SAMMSON: variants seen among roughly 807,000 people sequenced by gnomAD.
SAMMSON encodes survival associated mitochondrial melanoma specific oncogenic non-coding RNA, also known as long intergenic non-protein coding RNA 1212.
chr3:70,099,712 T>A (rs1434944256), intron 4 of SAMMSON, among the ~76,000 whole-genome samples: 1 of 152,212 alleles, frequency 6.6e-6, no homozygotes, highest in Non-Finnish European at 1.5e-5. Flanking sequence ...ACATTCTCCA[T>A]CTCCTACTTA....
At chr3:70,360,967 A>G (rs1332778014) in intron 9 of SAMMSON, among the ~76,000 whole-genome samples, 1 of 152,162 alleles carries the variant, frequency 6.6e-6, no homozygotes, top group Non-Finnish European at 1.5e-5. Flanking sequence ...CACTGTGCTA[A>G]TTATTTTACC....
chr3:70,089,472 C>T (rs1228880675), intron 4 of SAMMSON, among the ~76,000 whole-genome samples: 3 of 149,222 alleles, frequency 2.0e-5, no homozygotes, highest in African/African-American at 7.4e-5. Flanking sequence ...AGGATTCAAA[C>T]TCAGAAAGCC....
At chr3:70,220,609 T>C (rs1351800122) in intron 4 of SAMMSON, among the ~76,000 whole-genome samples, 1 of 152,114 alleles carries the variant, frequency 6.6e-6, no homozygotes, top group African/African-American at 2.4e-5. Flanking sequence ...CCAGGAAGTA[T>C]GTTAGTGTGT....
At chr3:70,274,006 A>G (rs1018321909) in intron 6 of SAMMSON, among the ~76,000 whole-genome samples, 17 of 151,728 alleles carry the variant, frequency 1.1e-4, no homozygotes, top group Admixed American at 2.0e-4. Flanking sequence ...TTCTCTCAAA[A>G]CTAAGATGCC....
chr3:70,072,064 A>T (rs1373374008), intron 4 of SAMMSON: 1 of 151,778 alleles, frequency 6.6e-6, no homozygotes, highest in East Asian at 1.9e-4. Flanking sequence ...ATTTTTAAAA[A>T]CTTTCAAAGG....
intron 4 of SAMMSON, chr3:70,126,057 A>T: frequency 9.5e-7 from 1 of 1,050,774 alleles, no homozygotes. Context: ...TCATAAGATG[A>T]AGGACCTGTA....
chr3:70,387,780 C>T (rs1296631154), intron 9 of SAMMSON, among the ~76,000 whole-genome samples: 4 of 152,040 alleles, frequency 2.6e-5, no homozygotes, highest in Admixed American at 2.6e-4. Flanking sequence ...ATAGTTCCAT[C>T]ATAACACTCC....
At chr3:70,268,496 A>AT in intron 6 of SAMMSON, among the ~76,000 whole-genome samples, 1 of 144,234 alleles carries the variant, frequency 6.9e-6, no homozygotes, top group Admixed American at 6.9e-5. Context: ...AAAAAAAAAA[A>AT]TCCCCACCAG....
intron 4 of SAMMSON, among the ~76,000 whole-genome samples, chr3:70,131,112 T>A (rs1040732053): frequency 6.6e-6 from 1 of 152,258 alleles, no homozygotes; most frequent in Middle Eastern, 3.4e-3. Flanking sequence ...CTCAAGCCAG[T>A]TTTAAAAATA....
At chr3:70,257,867 AT>A (rs1461233384) in intron 6 of SAMMSON, among the ~76,000 whole-genome samples, 4 of 152,194 alleles carry the variant, frequency 2.6e-5, no homozygotes, top group Non-Finnish European at 5.9e-5. Flanking sequence ...TTACTATTTG[AT>A]TTCCAAAGTT....
intron 4 of SAMMSON, among the ~76,000 whole-genome samples, chr3:70,216,598 T>C (rs931659875): frequency 1.3e-5 from 2 of 152,048 alleles, no homozygotes; most frequent in African/African-American, 4.8e-5. Context: ...TAGATAGAGA[T>C]TTTTTAAGTG....
chr3:70,357,514 G>T (rs1429288297), intron 8 of SAMMSON, among the ~76,000 whole-genome samples: 1 of 151,952 alleles, frequency 6.6e-6, no homozygotes, highest in Non-Finnish European at 1.5e-5. Context: ...TTTTCAAAAA[G>T]TGAAATAATT....
rs539126294 is a variant in SAMMSON, at chr3:70,312,879, C to T, written n.739+21636C>T. On this transcript the variant is annotated intron_variant and non_coding_transcript_variant, in intron 7 of 9. Coordinates refer to ENST00000642114, the Ensembl canonical transcript of SAMMSON. ...CTTTTCAACTGGACCAAGTTTCTTC[C>T]ATCCCTGCCATTCATTACTTCAAGT... Among the ~76,000 whole-genome samples, 192 of 152,094 alleles carry T rather than the reference C, an allele frequency of 1.3e-3. 1 individual carries two copies. Among genetic ancestry groups the T allele is most frequent in the African/African-American group, 4.5e-3 (188 of 41,516 alleles).
intron 6 of SAMMSON, among the ~76,000 whole-genome samples, chr3:70,267,375 A>ACAGATTCTT (rs1383572138): frequency 1.1e-3 from 159 of 145,692 alleles, no homozygotes; most frequent in African/African-American, 3.6e-3. Flanking sequence ...ACTCTCTTGT[A>ACAGATTCTT]CAGATTCTTT....
intron 4 of SAMMSON, among the ~76,000 whole-genome samples, chr3:70,158,377 G>A (rs2067600554): frequency 6.6e-6 from 1 of 152,054 alleles, no homozygotes; most frequent in Admixed American, 6.6e-5. Context: ...TCTAACATGT[G>A]TCTATAGTTC....
intron 4 of SAMMSON, among the ~76,000 whole-genome samples, chr3:70,150,650 C>T (rs933793807): frequency 6.6e-6 from 1 of 152,022 alleles, no homozygotes; most frequent in Admixed American, 6.6e-5. Flanking sequence ...TTACTTTGTA[C>T]TCTGGATGTA....
At chr3:70,374,874 C>T (rs1317507582) in intron 9 of SAMMSON, among the ~76,000 whole-genome samples, 3 of 152,084 alleles carry the variant, frequency 2.0e-5, no homozygotes, top group Non-Finnish European at 4.4e-5. Context: ...GCTAAATTGC[C>T]CCAATCTGCT....
At chr3:70,204,993 T>C (rs1027002954) in intron 4 of SAMMSON, 1 of 152,150 alleles carries the variant, frequency 6.6e-6, no homozygotes, top group Admixed American at 6.6e-5. Flanking sequence ...ACCTGTTTTC[T>C]TGACTGGCAT....
chr3:70,250,409 TCTCACACACACACACA>T (rs1300535472), intron 6 of SAMMSON, among the ~76,000 whole-genome samples: 15 of 126,348 alleles, frequency 1.2e-4, no homozygotes, highest in East Asian at 9.0e-4. Context: ...TTTTAATGAA[TCTCACACACACACACA>T]CACACACACA....
Sources: gnomAD v4.1 joint callset for allele counts (sites outside exome capture counted in the v4.1 genomes callset) on GRCh38, gnomAD v4.1.1 for gene constraint, MANE v1.5 for transcripts, NCBI Gene and HGNC (gene_info 2026-07-23, HGNC 2026-07-21) for gene names.